The following CSMD1 variants were observed in gnomAD, a reference collection of about 807,000 sequenced individuals.
CSMD1 encodes CUB and Sushi multiple domains 1.
Under a neutral mutation model 417.5 loss-of-function variants are expected in CSMD1, and 213 were observed. The ratio of observed to expected loss-of-function variants is 0.51; its 90% CI spans 0.46 to 0.57. The LOEUF (loss-of-function observed/expected upper bound fraction) is 0.57. Among genes scored for constraint, CSMD1 ranks in the 20% least tolerant of loss-of-function variants. The pLI, the probability that CSMD1 is intolerant of heterozygous loss-of-function variation, is 0.00. For synonymous variants in CSMD1, 2,862 were observed against 1,736.8 expected (o/e 1.65, Z -16.11); for missense variants, 6,923 against 4,529.7 (o/e 1.53, Z -15.17).
intron 10 of CSMD1, among the ~76,000 whole-genome samples, chr8:3,543,866 CAG>C (rs1224067769): frequency 6.6e-6 from 1 of 152,118 alleles, no homozygotes; most frequent in African/African-American, 2.4e-5. Context: ...GCTGCAGGAT[CAG>C]AGTCAGGACA....
intron 7 of CSMD1, among the ~76,000 whole-genome samples, chr8:3,679,215 C>A (rs1359230691): frequency 6.6e-6 from 1 of 152,110 alleles, no homozygotes; most frequent in Non-Finnish European, 1.5e-5. Flanking sequence ...GGGCTAAATG[C>A]TCCAATTACA....
At chr8:3,819,006 A>T (rs891641681) in intron 5 of CSMD1, among the ~76,000 whole-genome samples, 1 of 152,208 alleles carries the variant, frequency 6.6e-6, no homozygotes, top group African/African-American at 2.4e-5. Context: ...TCAATGATTT[A>T]TCACTCTCTT....
intron 26 of CSMD1, among the ~76,000 whole-genome samples, chr8:3,270,751 T>C (rs1801784877): frequency 6.6e-6 from 1 of 152,112 alleles, no homozygotes; most frequent in African/African-American, 2.4e-5. Context: ...GAAGGAACTT[T>C]GCTATTTGTA....
chr8:3,398,520 G>A (rs975128172), intron 16 of CSMD1, among the ~76,000 whole-genome samples: 2 of 152,082 alleles, frequency 1.3e-5, no homozygotes, highest in South Asian at 2.1e-4. Flanking sequence ...TTGATCATTT[G>A]AAAACAAAAA....
At chr8:3,836,588 A>G (rs772484391) in intron 5 of CSMD1, among the ~76,000 whole-genome samples, 3 of 152,164 alleles carry the variant, frequency 2.0e-5, no homozygotes, top group Non-Finnish European at 4.4e-5. Flanking sequence ...TCTTTGAAGC[A>G]TATTTAAGTA....
At chr8:3,926,784 C>G (rs1050570184) in intron 5 of CSMD1, among the ~76,000 whole-genome samples, 4 of 136,130 alleles carry the variant, frequency 2.9e-5, no homozygotes, top group Non-Finnish European at 6.1e-5. Context: ...GTCGTGATCT[C>G]AGCTCACTGC....
At chr8:3,237,663 T>C (rs530632654) in intron 26 of CSMD1, among the ~76,000 whole-genome samples, 87 of 116,404 alleles carry the variant, frequency 7.5e-4, no homozygotes, top group Admixed American at 8.7e-4. Flanking sequence ...AATTATACTA[T>C]AAATATAATT....
intron 4 of CSMD1, among the ~76,000 whole-genome samples, chr8:4,020,204 C>T (rs1189832474): frequency 1.3e-5 from 2 of 152,134 alleles, no homozygotes; most frequent in Non-Finnish European, 2.9e-5. Context: ...ACATAAAAAT[C>T]TTGAGGCCAG....
At chr8:3,958,332 T>A (rs1328944949) in intron 5 of CSMD1, among the ~76,000 whole-genome samples, 1 of 151,820 alleles carries the variant, frequency 6.6e-6, no homozygotes, top group Non-Finnish European at 1.5e-5. Flanking sequence ...TTTTTTTTTT[T>A]TTTTCCAACT....
intron 1 of CSMD1, among the ~76,000 whole-genome samples, chr8:4,723,887 G>C (rs763682844): frequency 1.3e-5 from 2 of 151,600 alleles, no homozygotes; most frequent in African/African-American, 2.4e-5. Flanking sequence ...AACTGTCATA[G>C]GGAATGAGAT....
intron 1 of CSMD1, among the ~76,000 whole-genome samples, chr8:4,902,200 AAG>A (rs1424431884): frequency 6.6e-6 from 1 of 152,108 alleles, no homozygotes; most frequent in Non-Finnish European, 1.5e-5. Flanking sequence ...ACTTGAAGCC[AAG>A]AGTTTGAAAC....
At chr8:4,141,504 G>A (rs1411292669) in intron 3 of CSMD1, among the ~76,000 whole-genome samples, 1 of 151,104 alleles carries the variant, frequency 6.6e-6, no homozygotes, top group African/African-American at 2.5e-5. Context: ...CAATAATCCT[G>A]AGAGTTATTC....
chr8:3,070,632 C>G (rs1813268773), intron 49 of CSMD1, among the ~76,000 whole-genome samples: 1 of 152,188 alleles, frequency 6.6e-6, no homozygotes, highest in African/African-American at 2.4e-5. Context: ...ATCTGAGACC[C>G]CATCAGCCTG....
chr8:4,054,231 G>A lies in CSMD1; in HGVS notation c.416-22132C>T, dbSNP rs111260398. On this transcript the variant is annotated intron_variant, in intron 3 of 69. Coordinates refer to ENST00000635120, the MANE Select transcript of CSMD1 (RefSeq NM_033225.6). The stretch of plus-strand genomic sequence containing the variant: ...ATTTGGCGCCACCTCTCTTGTAGCT[G>A]AACATGGACAAATGACGACTTTGAG... Among the ~76,000 whole-genome samples the A allele has an allele frequency of 1.2e-3, 181 of 152,270 alleles. 2 individuals are homozygous for A. Among genetic ancestry groups the A allele is most frequent in the African/African-American group, 4.0e-3 (166 of 41,576 alleles).
chr8:3,480,770 C>A (rs1237663699), intron 11 of CSMD1, among the ~76,000 whole-genome samples: 1 of 152,102 alleles, frequency 6.6e-6, no homozygotes, highest in African/African-American at 2.4e-5. Flanking sequence ...GAAGAACTGA[C>A]AACCACAAAT....
intron 23 of CSMD1, among the ~76,000 whole-genome samples, chr8:3,314,645 T>A (rs1805609598): frequency 6.6e-6 from 1 of 152,248 alleles, no homozygotes; most frequent in Admixed American, 6.5e-5. Flanking sequence ...ACGAACAAAA[T>A]GTTCTAATCA....
chr8:4,169,289 G>C (rs936072963), intron 3 of CSMD1, among the ~76,000 whole-genome samples: 1 of 152,128 alleles, frequency 6.6e-6, no homozygotes, highest in African/African-American at 2.4e-5. Context: ...GAGCTCAAAA[G>C]GCAACTCCTG....
chr8:4,693,580 G>C (rs752835776), intron 1 of CSMD1, among the ~76,000 whole-genome samples: 5 of 152,146 alleles, frequency 3.3e-5, no homozygotes, highest in Non-Finnish European at 7.4e-5. Flanking sequence ...CAGCCCATTA[G>C]GCAGAGTGGT....
intron 3 of CSMD1, among the ~76,000 whole-genome samples, chr8:4,326,095 G>A (rs191706394): frequency 6.6e-4 from 101 of 152,252 alleles, no homozygotes; most frequent in African/African-American, 1.9e-3. Context: ...AGAACGGAGT[G>A]GTAAATCAGA....
Sources: gnomAD v4.1 joint callset for allele counts (sites outside exome capture counted in the v4.1 genomes callset) on GRCh38, gnomAD v4.1.1 for gene constraint, MANE v1.5 for transcripts, NCBI Gene and HGNC (gene_info 2026-07-23, HGNC 2026-07-21) for gene names.